The following TMPO variants were observed in gnomAD, a reference collection of about 807,000 sequenced individuals.
TMPO encodes thymopoietin.
Under a neutral mutation model 45.4 loss-of-function variants are expected in TMPO, and 22 were observed. The observed-to-expected ratio is 0.48, with a 90% CI of 0.35 to 0.69. TMPO has a LOEUF of 0.69. Among genes scored for constraint, TMPO ranks in the 30% least tolerant of loss-of-function variants. TMPO has a pLI of 0.01. For missense variants in TMPO, 512 were observed against 548.8 expected (o/e 0.93, Z 0.67); for synonymous variants, 241 against 204.1 (o/e 1.18, Z -1.54).
At chr12:98,522,088 C>CA (rs1484178195) in intron 1 of TMPO, among the ~76,000 whole-genome samples, 1 of 152,078 alleles carries the variant, frequency 6.6e-6, no homozygotes, top group Non-Finnish European at 1.5e-5. Flanking sequence ...GACTGTAGTG[C>CA]AGTGGTATGA....
At chr12:98,524,104 T>C (rs76543261) in intron 1 of TMPO, among the ~76,000 whole-genome samples, 425 of 152,370 alleles carry the variant, frequency 2.8e-3, no homozygotes, top group Non-Finnish European at 4.4e-3. Context: ...TATCAGTCTT[T>C]TTAGAAATGT....
intron 2 of TMPO, among the ~76,000 whole-genome samples, chr12:98,529,297 C>CA (rs1321255083): frequency 6.6e-6 from 1 of 152,072 alleles, no homozygotes; most frequent in Non-Finnish European, 1.5e-5. Flanking sequence ...CAGGTGATCC[C>CA]ACCCACCTCA....
chr12:98,537,834 T>C (rs750372145), intron 4 of TMPO: 1 of 546,912 alleles, frequency 1.8e-6, no homozygotes, highest in Admixed American at 3.2e-5. Flanking sequence ...ATATGGTGTT[T>C]TGAAAGAAAT....
At chr12:98,518,069 C>A (rs1876017273) in intron 1 of TMPO, among the ~76,000 whole-genome samples, 1 of 150,476 alleles carries the variant, frequency 6.6e-6, no homozygotes, top group African/African-American at 2.4e-5. Flanking sequence ...CGCTTGAACC[C>A]GGGAGGCGGA....
At chr12:98,546,488 A>ACTT in intron 8 of TMPO, 41 bp downstream of exon 8, 10 of 1,350,984 alleles carry the variant, frequency 7.4e-6, no homozygotes, top group African/African-American at 1.4e-5. Context: ...GTATTCTAGT[A>ACTT]GGGAATCTTT....
chr12:98,534,155 TTGATGAAG>T, intron 3 of TMPO: 3 of 1,613,920 alleles, frequency 1.9e-6, no homozygotes, highest in Non-Finnish European at 2.5e-6. Context: ...GAAGCTGCAT[TTGATGAAG>T]TGAAGATGGC....
Position 98,515,987 on chromosome 12 carries a change from C to A in TMPO, c.120C>A (p.Leu40=). The change falls in exon 1 of 9, where the codon CTC becomes CTA. Residue 40 remains leucine (L), a synonymous_variant. Coordinates refer to ENST00000556029, the MANE Select transcript of TMPO (RefSeq NM_001032283.3). ...GEQRKDVYVQ[L]YLQHLTARNR... is the part of the protein sequence containing the mutation. The stretch of plus-strand genomic sequence containing the variant: ...AGCGCAAAGACGTGTACGTCCAGCT[C>A]TACCTGCAGCACCTCACGGCTCGCA... The A allele has an allele frequency of 6.2e-7, 1 of 1,612,704 alleles. No individual in the cohort carries two copies. The highest frequency in any genetic ancestry group is 8.5e-7 in the Non-Finnish European group (1 of 1,179,804).
Position 98,547,844 on chromosome 12 carries a change from A to G in TMPO, c.1351A>G (p.Arg451Gly), listed in dbSNP as rs1484103613. Residue 451 changes from arginine (R) to glycine (G), a missense_variant, in exon 9 of 9, where the codon AGA becomes GGA. Physicochemically the swap from Arg to Gly is moderately radical, Grantham distance 125 (BLOSUM62 -2). Coordinates refer to ENST00000556029, the MANE Select transcript of TMPO (RefSeq NM_001032283.3). ...CTCTAATTTTCTTCATGTTGACCCT[A>G]GAAAATCCAACTGAATGGTATCTCT... The part of the protein sequence containing the change: ...PFSNFLHVDP[R>G]KSN 6.2e-7 allele frequency: 1 copy of G among 1,614,072 alleles called. No homozygotes were observed. The highest frequency in any genetic ancestry group is 1.1e-5 in the South Asian group (1 of 91,030).
intron 8 of TMPO, among the ~76,000 whole-genome samples, chr12:98,547,216 C>G (rs909572340): frequency 6.6e-6 from 1 of 152,004 alleles, no homozygotes; most frequent in Admixed American, 6.6e-5. Flanking sequence ...GCTGGGATTA[C>G]AGGCACCCAC....
intron 4 of TMPO, among the ~76,000 whole-genome samples, chr12:98,541,090 A>G (rs977049746): frequency 6.6e-6 from 1 of 152,074 alleles, no homozygotes; most frequent in Non-Finnish European, 1.5e-5. Context: ...AGGAATTACT[A>G]AGTTGGTTCC....
rs779961791 is a variant in TMPO at position 98,533,148 on chromosome 12, G to C, written c.565+1310G>C. On this transcript the variant is annotated intron_variant, in intron 3 of 8. Transcript: ENST00000556029. ...AGAAAAGTTCTTCGTCATCTTCTCA[G>C]CCTGAACACAGTGCCATGTTGGTCT... 7.5e-5 allele frequency: 121 copies of C among 1,614,006 alleles called. No homozygotes were observed. The highest frequency in any genetic ancestry group is 1.0e-4 in the Non-Finnish European group (118 of 1,180,038).
intron 3 of TMPO, chr12:98,532,772 C>T (rs372770416): frequency 1.9e-6 from 3 of 1,613,348 alleles, no homozygotes; most frequent in African/African-American, 2.7e-5. Flanking sequence ...AGAATAAAAT[C>T]AGCTCAAACA....
chr12:98,546,274 C>G (rs1878221810), intron 7 of TMPO, 85 bp from the exon 8 acceptor site: 2 of 933,544 alleles, frequency 2.1e-6, no homozygotes, highest in Non-Finnish European at 1.8e-6. Flanking sequence ...ATTTTGTTCT[C>G]TAAAACTTAC....
Position 98,549,982 on chromosome 12 carries a change from A to C in TMPO, c.*2124A>C, listed in dbSNP as rs551900221. On this transcript the variant is annotated 3_prime_UTR_variant, in exon 9 of 9. Transcript: ENST00000556029. ...TTTTACTCAACTTTTCTTTGTTTTG[A>C]AACTTTGTTTCCCATACTGTTTTCA... 30 of 152,318 alleles carry C rather than the reference A, an allele frequency of 2.0e-4. No homozygotes were observed. The East Asian group carries it at 3.3e-3, about 17-fold the overall frequency. The allele number at this position is 152,318 out of a possible 1,614,324, so 9.4% of individuals were successfully genotyped here. A position where few individuals can be genotyped will look rare whatever the true frequency, so the allele number is the denominator to read the frequency against.
In TMPO at chr12:98,531,711, T is replaced by G. The variant is rs1476815228; in HGVS notation, c.438T>G (p.Leu146=). ...GTTRKLYEKK[L]LKLREQGTES... ...CCAGGAAGCTATATGAGAAAAAGCT[T>G]TTGAAACTGAGGGAACAAGGAACAG... The change falls in exon 3 of 9, where the codon CTT becomes CTG. Residue 146 remains leucine, a synonymous_variant. Coordinates refer to ENST00000556029, the MANE Select transcript of TMPO (RefSeq NM_001032283.3). 11 of 1,613,012 alleles carry G rather than the reference T, an allele frequency of 6.8e-6. No individual in the cohort carries two copies. Among genetic ancestry groups the G allele is most frequent in the Non-Finnish European group, 9.3e-6 (11 of 1,179,988 alleles).
At chr12:98,518,500 A>G (rs1404580107) in intron 1 of TMPO, among the ~76,000 whole-genome samples, 1 of 91,290 alleles carries the variant, frequency 1.1e-5, no homozygotes, top group Non-Finnish European at 2.2e-5. Flanking sequence ...TTTTTGGTAC[A>G]CAGGCTTTCT....
intron 1 of TMPO, among the ~76,000 whole-genome samples, chr12:98,524,827 C>G (rs1006393626): frequency 1.3e-5 from 2 of 152,144 alleles, no homozygotes; most frequent in African/African-American, 4.8e-5. Flanking sequence ...CTCCTGACTT[C>G]AAGTGATCCA....
chr12:98,520,992 T>G (rs1022088852), intron 1 of TMPO, among the ~76,000 whole-genome samples: 3 of 151,936 alleles, frequency 2.0e-5, no homozygotes, highest in Non-Finnish European at 4.4e-5. Flanking sequence ...GAGTTGCAGA[T>G]AAGGGAGATT....
At position 98,516,125 on chromosome 12, in the gene TMPO, G is replaced by A. The variant is rs2077299918; in HGVS notation, c.258G>A (p.Arg86=). ...GCTCTGGGGCCGCCGCCGCGGGCCG[G>A]AGCCGAGCAGCCGTCGGCAGGGTAA... ...VLGSGAAAAG[R]SRAAVGRKAT... The change falls in exon 1 of 9, where the codon CGG becomes CGA. Residue 86 remains arginine, a synonymous_variant. Coordinates refer to ENST00000556029, the MANE Select transcript of TMPO (RefSeq NM_001032283.3). 1 of 1,486,526 alleles carries A rather than the reference G, an allele frequency of 6.7e-7. No homozygotes were observed. The highest frequency in any genetic ancestry group is 2.5e-5 in the Admixed American group (1 of 39,582). 92.1% of individuals were successfully genotyped at this position (1,486,526 alleles called of 1,614,324 possible). A position where few individuals can be genotyped will look rare whatever the true frequency, so the allele number is the denominator to read the frequency against.
Sources: gnomAD v4.1 joint callset for allele counts (sites outside exome capture counted in the v4.1 genomes callset) on GRCh38, gnomAD v4.1.1 for gene constraint, MANE v1.5 for transcripts, NCBI Gene and HGNC (gene_info 2026-07-23, HGNC 2026-07-21) for gene names.